The following AGMO variants were observed in gnomAD, a reference collection of about 807,000 sequenced individuals.
AGMO encodes the protein alkylglycerol monooxygenase, also known as glyceryl-ether monooxygenase.
Under a neutral mutation model 60.2 loss-of-function variants are expected in AGMO, and 75 were observed. The ratio of observed to expected loss-of-function variants is 1.25; its 90% CI spans 1.03 to 1.51. The LOEUF (loss-of-function observed/expected upper bound fraction) is 1.51, where lower values mean the gene tolerates loss of function less well. AGMO is among the 40% of genes most tolerant of loss of function. The pLI is 0.00. For missense variants in AGMO, 763 were observed against 525.5 expected (o/e 1.45, Z -4.42); for synonymous variants, 261 against 177.1 (o/e 1.47, Z -3.76).
At chr7:15,142,455 G>T in the AGMO span, among the ~76,000 whole-genome samples, 6 of 152,094 alleles carry the variant, frequency 3.9e-5, no homozygotes, top group Non-Finnish European at 8.8e-5. Flanking sequence ...TAGTGATAAA[G>T]GAGTACTGTC....
intron 10 of AGMO, among the ~76,000 whole-genome samples, chr7:15,373,113 A>C (rs1783285148): frequency 6.6e-6 from 1 of 152,000 alleles, no homozygotes; most frequent in Non-Finnish European, 1.5e-5. Context: ...AAAACACAAA[A>C]ATAATACAAA....
At chr7:15,185,790 G>A in the AGMO span, among the ~76,000 whole-genome samples, 33,373 of 152,140 alleles carry the variant, frequency 0.22, 3,892 homozygotes, top group South Asian at 0.32. Context: ...CTAACAGAAT[G>A]AGGTTAATGG....
chr7:15,152,384 C>A, the AGMO span, among the ~76,000 whole-genome samples: 1 of 152,018 alleles, frequency 6.6e-6, no homozygotes, highest in South Asian at 2.1e-4. Context: ...TTTTGGGGAA[C>A]AAGTGATGTT....
chr7:15,216,309 G>A (rs1404750407), intron 12 of AGMO, among the ~76,000 whole-genome samples: 1 of 152,084 alleles, frequency 6.6e-6, no homozygotes, highest in African/African-American at 2.4e-5. Flanking sequence ...CCACAGAGGG[G>A]TTGCCTGCTT....
chr7:15,519,237 G>T (rs1009517145), intron 3 of AGMO, among the ~76,000 whole-genome samples: 5 of 151,878 alleles, frequency 3.3e-5, no homozygotes, highest in Non-Finnish European at 5.9e-5. Flanking sequence ...CACACTTCAG[G>T]ATATTATCCA....
chr7:15,361,996 T>G (rs914489790), intron 12 of AGMO, among the ~76,000 whole-genome samples: 1 of 152,160 alleles, frequency 6.6e-6, no homozygotes, highest in Non-Finnish European at 1.5e-5. Context: ...TGACATTGAT[T>G]CTAGTGATAG....
chr7:15,440,818 C>A (rs2128501897), intron 3 of AGMO, among the ~76,000 whole-genome samples: 1 of 152,272 alleles, frequency 6.6e-6, no homozygotes, highest in East Asian at 1.9e-4. Context: ...CAATCTATTA[C>A]AAAGTTATAT....
chr7:15,221,839 T>TAGA (rs1781933205), intron 12 of AGMO, among the ~76,000 whole-genome samples: 1 of 152,162 alleles, frequency 6.6e-6, no homozygotes, highest in Non-Finnish European at 1.5e-5. Flanking sequence ...ATCCGTGAAC[T>TAGA]AGAAGATAAT....
At chr7:15,141,777 T>C in the AGMO span, among the ~76,000 whole-genome samples, 17 of 152,222 alleles carry the variant, frequency 1.1e-4, no homozygotes, top group Non-Finnish European at 2.5e-4. Flanking sequence ...CTAACTTTGA[T>C]ATTGTCACTA....
intron 12 of AGMO, 43 bp from the exon 13 acceptor site, chr7:15,201,402 A>C (rs1308396724): frequency 1.5e-6 from 2 of 1,355,804 alleles, no homozygotes; most frequent in African/African-American, 2.9e-5. Flanking sequence ...TTAGAAGTGA[A>C]TCAATACTAT....
the AGMO span, among the ~76,000 whole-genome samples, chr7:15,144,272 C>CA: frequency 6.6e-6 from 1 of 150,970 alleles, no homozygotes; most frequent in South Asian, 2.1e-4. Context: ...TAAGGTAATC[C>CA]AAAAAAAATG....
At chr7:15,187,582 TC>T in the AGMO span, among the ~76,000 whole-genome samples, 2 of 152,304 alleles carry the variant, frequency 1.3e-5, no homozygotes, top group Middle Eastern at 3.4e-3. Context: ...TTAGAGTTTT[TC>T]CCTCTCCGGT....
intron 3 of AGMO, among the ~76,000 whole-genome samples, chr7:15,485,142 C>CAAAAAAAAAAAAAAA (rs34731268): frequency 1.1e-4 from 11 of 97,786 alleles, no homozygotes; most frequent in African/African-American, 1.8e-4. Context: ...ACTAAAAATA[C>CAAAAAAAAAAAAAAA]AAAAAAAAAA....
chr7:15,544,991 T>C (rs1784737966), intron 2 of AGMO, 68 bp from the exon 3 acceptor site: 1 of 1,131,382 alleles, frequency 8.8e-7, no homozygotes, highest in South Asian at 2.6e-5. Context: ...TAAAATGTTT[T>C]AGATAACATT....
chr7:15,410,415 A>C (rs1378407508), intron 5 of AGMO, among the ~76,000 whole-genome samples: 1 of 151,904 alleles, frequency 6.6e-6, no homozygotes, highest in African/African-American at 2.4e-5. Flanking sequence ...TAAACAATGT[A>C]CTTTATGATT....
At chr7:15,354,306 G>GTATACACGTGTATATACACGCGTCTA (rs1782368032) in intron 12 of AGMO, among the ~76,000 whole-genome samples, 1 of 70,762 alleles carries the variant, frequency 1.4e-5, no homozygotes, top group Non-Finnish European at 2.5e-5. Flanking sequence ...ATATATACGT[G>GTATACACGTGTATATACACGCGTCTA]TATACACGCG....
intron 12 of AGMO, among the ~76,000 whole-genome samples, chr7:15,336,145 C>T (rs987957362): frequency 6.6e-6 from 1 of 152,082 alleles, no homozygotes; most frequent in Non-Finnish European, 1.5e-5. Context: ...AACAAAATAA[C>T]ACATACTCCC....
Position 15,250,869 on chromosome 7 carries a change from C to CG in AGMO, c.1264-49511dup, listed in dbSNP as rs201572115. Among the ~76,000 whole-genome samples the CG allele has an allele frequency of 3.6e-3, 540 of 151,828 alleles. 15 individuals are homozygous for CG. The highest frequency in any genetic ancestry group is 0.032 in the East Asian group (166 of 5,148). ...CTGAGGCAGGAGAATCGCTTGAACCCGGGAGGCAGACGTTGCAGTGAGCCG... is the reference window on the plus strand; with the variant it reads ...CTGAGGCAGGAGAATCGCTTGAACCCGGGGAGGCAGACGTTGCAGTGAGCCG... On this transcript the variant is annotated intron_variant, in intron 12 of 12. Transcript: ENST00000342526.
intron 12 of AGMO, among the ~76,000 whole-genome samples, chr7:15,337,101 T>C (rs1781688648): frequency 6.6e-6 from 1 of 152,188 alleles, no homozygotes; most frequent in African/African-American, 2.4e-5. Flanking sequence ...TAGCAAAATG[T>C]CACATCCCTA....
Sources: allele counts gnomAD v4.1 joint callset (sites outside exome capture counted in the v4.1 genomes callset), GRCh38; gene constraint gnomAD v4.1.1; transcripts MANE v1.5; gene names NCBI Gene and HGNC (gene_info 2026-07-23, HGNC 2026-07-21).